IGF1: variants seen among roughly 807,000 people sequenced by gnomAD.
IGF1 encodes the protein insulin-like growth factor 1.
A neutral mutation model predicts 13.8 loss-of-function variants in IGF1; 4 were observed. The ratio of observed to expected loss-of-function variants is 0.29; its 90% CI spans 0.14 to 0.66. The LOEUF is 0.66. Ranked by LOEUF, IGF1 falls within the 30% of genes least tolerant of loss-of-function variation. The pLI, the probability that IGF1 is intolerant of heterozygous loss-of-function variation, is 0.78. For synonymous variants in IGF1, 76 were observed against 72.6 expected (o/e 1.05, Z -0.23); for missense variants, 124 against 188.5 (o/e 0.66, Z 2.00).
At chr12:102,463,889 A>G (rs1346397556) in intron 2 of IGF1, among the ~76,000 whole-genome samples, 2 of 152,238 alleles carry the variant, frequency 1.3e-5, no homozygotes, top group South Asian at 2.1e-4. Context: ...CCTCATGCAC[A>G]TCATGTTTTT....
intron 2 of IGF1, among the ~76,000 whole-genome samples, chr12:102,425,510 A>C (rs1452415624): frequency 6.6e-6 from 1 of 152,162 alleles, no homozygotes; most frequent in Non-Finnish European, 1.5e-5. Context: ...GTCTTCCGTT[A>C]CCCAATCAAG....
intron 2 of IGF1, among the ~76,000 whole-genome samples, chr12:102,450,408 C>T (rs999362092): frequency 3.3e-5 from 5 of 152,238 alleles, no homozygotes; most frequent in African/African-American, 7.2e-5. Context: ...TCTCTTGCTC[C>T]GATGGCCCCA....
At chr12:102,445,009 C>T (rs1466976429) in intron 2 of IGF1, among the ~76,000 whole-genome samples, 1 of 151,994 alleles carries the variant, frequency 6.6e-6, no homozygotes, top group Non-Finnish European at 1.5e-5. Context: ...TTCCCCATTG[C>T]TTGTTTTTGT....
intron 2 of IGF1, among the ~76,000 whole-genome samples, chr12:102,474,543 C>G (rs554215280): frequency 1.3e-5 from 2 of 152,288 alleles, no homozygotes; most frequent in Admixed American, 6.5e-5. Context: ...ACACATACCC[C>G]ACCTGCCTAG....
At chr12:102,452,405 T>C (rs1879043370) in intron 2 of IGF1, among the ~76,000 whole-genome samples, 1 of 152,186 alleles carries the variant, frequency 6.6e-6, no homozygotes, top group African/African-American at 2.4e-5. Flanking sequence ...GACAGTTCTT[T>C]ATAGCAGTGT....
rs1048609295 is a variant in IGF1 at position 102,396,748 on chromosome 12, A to T, written c.*5759T>A. 7.6e-6 allele frequency: 3 copies of T among 395,886 alleles called. No homozygotes were observed. The highest frequency in any genetic ancestry group is 2.1e-5 in the African/African-American group (1 of 48,456). The allele number at this position is 395,886 out of a possible 1,614,324, so 24.5% of individuals were successfully genotyped here. ...AGAAACTCTGTCTCCATCTTAACTC[A>T]TATTTCAGTTGAGCAGTAACATTTG... On this transcript the variant is annotated 3_prime_UTR_variant, in exon 4 of 4. Transcript: ENST00000337514.
At chr12:102,481,222 C>A (rs1174780632), upstream of IGF1, among the ~76,000 whole-genome samples, 1 of 152,140 alleles carries the variant, frequency 6.6e-6, no homozygotes, top group Non-Finnish European at 1.5e-5. Context: ...TGAAATAGAA[C>A]ATTTTTCTTT....
chr12:102,421,457 AC>A, intron 2 of IGF1, among the ~76,000 whole-genome samples: 2 of 152,260 alleles, frequency 1.3e-5, no homozygotes, highest in Middle Eastern at 6.8e-3. Flanking sequence ...ACTTCTACGT[AC>A]TTTTTGCTAA....
intron 3 of IGF1, among the ~76,000 whole-genome samples, chr12:102,417,286 A>T (rs902928690): frequency 3.3e-5 from 5 of 152,182 alleles, no homozygotes; most frequent in Admixed American, 3.3e-4. Context: ...GCAATACCGG[A>T]TGCCCTTTGG....
At chr12:102,431,555 C>T (rs567788968) in intron 2 of IGF1, among the ~76,000 whole-genome samples, 2 of 152,146 alleles carry the variant, frequency 1.3e-5, no homozygotes, top group South Asian at 4.2e-4. Flanking sequence ...AAAGCTGAGG[C>T]TTAGCAAGGT....
chr12:102,440,615 G>A (rs1877634878), intron 2 of IGF1, among the ~76,000 whole-genome samples: 1 of 152,140 alleles, frequency 6.6e-6, no homozygotes, highest in African/African-American at 2.4e-5. Flanking sequence ...TTTAAATGTA[G>A]ATAGAATGTC....
intron 3 of IGF1, among the ~76,000 whole-genome samples, chr12:102,405,709 A>AT: frequency 6.6e-6 from 1 of 152,248 alleles, no homozygotes; most frequent in Non-Finnish European, 1.5e-5. Flanking sequence ...AACTAAGAAA[A>AT]TATTCAGGAA....
At chr12:102,448,345 A>C (rs1271233092) in intron 2 of IGF1, among the ~76,000 whole-genome samples, 1 of 150,370 alleles carries the variant, frequency 6.7e-6, no homozygotes, top group Non-Finnish European at 1.5e-5. Context: ...TACACCATGG[A>C]ATACTATGCA....
At chr12:102,473,077 A>C (rs1349471748) in intron 2 of IGF1, among the ~76,000 whole-genome samples, 2 of 152,210 alleles carry the variant, frequency 1.3e-5, no homozygotes, top group Non-Finnish European at 2.9e-5. Context: ...CAACAATCAA[A>C]TATGGGCAGC....
At chr12:102,444,284 C>T (rs1299958398) in intron 2 of IGF1, among the ~76,000 whole-genome samples, 1 of 151,410 alleles carries the variant, frequency 6.6e-6, no homozygotes, top group Non-Finnish European at 1.5e-5. Context: ...TTGTCCAGGG[C>T]AGTTCTTTTC....
intron 3 of IGF1, among the ~76,000 whole-genome samples, chr12:102,417,025 G>A (rs1028250030): frequency 6.6e-6 from 1 of 152,176 alleles, no homozygotes; most frequent in Non-Finnish European, 1.5e-5. Context: ...CCTACAAGCC[G>A]AGGGGAGGAG....
intron 2 of IGF1, among the ~76,000 whole-genome samples, chr12:102,467,970 A>T (rs1324054246): frequency 6.6e-6 from 1 of 152,214 alleles, no homozygotes; most frequent in Non-Finnish European, 1.5e-5. Flanking sequence ...TGCAGTTTTG[A>T]TACATGACTA....
intron 2 of IGF1, among the ~76,000 whole-genome samples, chr12:102,471,771 A>G (rs920155281): frequency 2.0e-5 from 3 of 152,172 alleles, no homozygotes; most frequent in African/African-American, 4.8e-5. Context: ...AAAACTTAAA[A>G]AGACCCCAGA....
chr12:102,447,647 G>A (rs887601883), intron 2 of IGF1, among the ~76,000 whole-genome samples: 6 of 152,130 alleles, frequency 3.9e-5, no homozygotes, highest in African/African-American at 9.7e-5. Context: ...TGAATACAGA[G>A]CACCAATGGG....
Sources: gnomAD v4.1 joint callset for allele counts (sites outside exome capture counted in the v4.1 genomes callset) on GRCh38, gnomAD v4.1.1 for gene constraint, MANE v1.5 for transcripts, NCBI Gene and HGNC (gene_info 2026-07-23, HGNC 2026-07-21) for gene names.